SVOPL: variants seen among roughly 807,000 people sequenced by gnomAD.
The protein encoded by SVOPL is putative transporter SVOPL.
Under a neutral mutation model 61.0 loss-of-function variants are expected in SVOPL, and 60 were observed. That is an observed-to-expected ratio of 0.98 (90% confidence interval 0.80 to 1.22). The LOEUF (loss-of-function observed/expected upper bound fraction) is 1.22, where lower values mean the gene tolerates loss of function less well. Among genes scored for constraint, SVOPL ranks in the 50% most tolerant of loss-of-function variants. SVOPL has a pLI of 0.00. For synonymous variants in SVOPL, 279 were observed against 250.0 expected, an observed-to-expected ratio of 1.12 and a Z score of -1.09; for missense variants, 662 against 643.9, an observed-to-expected ratio of 1.03 and a Z score of -0.30.
chr7:138,693,750 G>C (rs903047562), intron 1 of SVOPL, among the ~76,000 whole-genome samples: 2 of 152,052 alleles, frequency 1.3e-5, no homozygotes, highest in Non-Finnish European at 2.9e-5. Context: ...GCTGAAGCAG[G>C]AGATCACTTA....
intron 9 of SVOPL, among the ~76,000 whole-genome samples, chr7:138,632,050 T>C (rs1204622500): frequency 2.0e-5 from 3 of 152,068 alleles, no homozygotes; most frequent in African/African-American, 7.2e-5. Flanking sequence ...CCTTCATATG[T>C]GATGCTCATT....
At chr7:138,679,493 G>A (rs1802654979) in intron 1 of SVOPL, among the ~76,000 whole-genome samples, 1 of 152,000 alleles carries the variant, frequency 6.6e-6, no homozygotes, top group African/African-American at 2.4e-5. Flanking sequence ...GGCTGGTCTC[G>A]AATTTCTGAC....
At chr7:138,676,955 G>C (rs1252419042) in intron 3 of SVOPL, among the ~76,000 whole-genome samples, 1 of 130,404 alleles carries the variant, frequency 7.7e-6, no homozygotes, top group African/African-American at 3.0e-5. Context: ...CAGGGCTGGA[G>C]TGCAGTGGCA....
intron 14 of SVOPL, among the ~76,000 whole-genome samples, chr7:138,602,777 C>G (rs903630927): frequency 2.6e-5 from 4 of 152,008 alleles, no homozygotes; most frequent in Non-Finnish European, 5.9e-5. Flanking sequence ...CCATTTCTGA[C>G]CTGCTTGAGA....
At chr7:138,624,239 T>A (rs1213190865) in intron 13 of SVOPL, among the ~76,000 whole-genome samples, 1 of 152,212 alleles carries the variant, frequency 6.6e-6, no homozygotes, top group Non-Finnish European at 1.5e-5. Flanking sequence ...AAGTTAGCCC[T>A]TTTTAATAGA....
At chr7:138,610,111 C>T (rs1235534397) in intron 14 of SVOPL, among the ~76,000 whole-genome samples, 3 of 152,148 alleles carry the variant, frequency 2.0e-5, no homozygotes, top group South Asian at 2.1e-4. Flanking sequence ...AAAGTAACTT[C>T]TGGGATATAC....
chr7:138,634,247 C>T (rs1390846606), intron 9 of SVOPL, among the ~76,000 whole-genome samples: 1 of 152,136 alleles, frequency 6.6e-6, no homozygotes, highest in African/African-American at 2.4e-5. Flanking sequence ...TAGCACACAC[C>T]TATTATCCCA....
At chr7:138,631,661 C>T (rs935783227) in intron 9 of SVOPL, among the ~76,000 whole-genome samples, 4 of 152,034 alleles carry the variant, frequency 2.6e-5, no homozygotes, top group African/African-American at 7.2e-5. Context: ...CCCTGCCTCC[C>T]AGGTTCAAGC....
chr7:138,671,277 A>C (rs569587110), intron 4 of SVOPL, among the ~76,000 whole-genome samples: 54 of 152,222 alleles, frequency 3.5e-4, no homozygotes, highest in South Asian at 8.3e-4. Context: ...ACATGCATAC[A>C]CACATCCTTT....
chr7:138,645,773 C>T lies in SVOPL; in HGVS notation c.661-928G>A, dbSNP rs554457337. The T allele has an allele frequency of 8.7e-5, 14 of 160,728 alleles. No individual in the cohort carries two copies. In the South Asian group the frequency reaches 1.2e-3, roughly 14 times the overall value. 10.0% of individuals were successfully genotyped at this position (160,728 alleles called of 1,614,324 possible). A position where few individuals can be genotyped will look rare whatever the true frequency, so the allele number is the denominator to read the frequency against. Reference sequence around the variant, plus strand: ...GGTGGAACAGGACTGGTGCTTCAGCCGAACCCAGGTATACTTCCCTTCGGC... The same window carrying T: ...GGTGGAACAGGACTGGTGCTTCAGCTGAACCCAGGTATACTTCCCTTCGGC... On this transcript the variant is annotated intron_variant, in intron 8 of 15. Transcript: ENST00000674285.
intron 14 of SVOPL, among the ~76,000 whole-genome samples, chr7:138,613,875 A>G (rs1799166877): frequency 6.6e-6 from 1 of 152,146 alleles, no homozygotes; most frequent in South Asian, 2.1e-4. Flanking sequence ...CACCATGACT[A>G]ATTTCAACAA....
At chr7:138,611,914 A>AAC (rs2116820053) in intron 14 of SVOPL, among the ~76,000 whole-genome samples, 1 of 23,638 alleles carries the variant, frequency 4.2e-5, no homozygotes, top group Non-Finnish European at 8.5e-5. Context: ...GCTCATTGAG[A>AAC]ACGGGCCAGG....
intron 13 of SVOPL, among the ~76,000 whole-genome samples, chr7:138,624,791 G>A (rs1056871003): frequency 6.0e-5 from 9 of 151,108 alleles, no homozygotes; most frequent in Admixed American, 5.3e-4. Context: ...TCCAACTCCT[G>A]CACTCAAGCA....
chr7:138,618,992 C>G (rs558858011), intron 14 of SVOPL, among the ~76,000 whole-genome samples: 1 of 152,208 alleles, frequency 6.6e-6, no homozygotes, highest in South Asian at 2.1e-4. Context: ...AGCAGCATAG[C>G]CTCTGGGATA....
intron 9 of SVOPL, among the ~76,000 whole-genome samples, chr7:138,630,571 T>C (rs572516428): frequency 1.3e-5 from 2 of 152,342 alleles, no homozygotes; most frequent in Non-Finnish European, 2.9e-5. Flanking sequence ...GAACGCCTAA[T>C]TTCTTTTTCT....
intron 14 of SVOPL, among the ~76,000 whole-genome samples, chr7:138,613,099 C>T (rs1395865054): frequency 2.0e-5 from 3 of 151,948 alleles, no homozygotes; most frequent in Non-Finnish European, 4.4e-5. Flanking sequence ...GGCTCACTGT[C>T]ACCTCTGTCC....
At chr7:138,663,431 A>G in intron 4 of SVOPL, 1 of 1,280,622 alleles carries the variant, frequency 7.8e-7, no homozygotes, top group Non-Finnish European at 9.9e-7. Context: ...CTCTATTCAG[A>G]TGTGTACTTG....
rs1044524317 is a variant in SVOPL, at chr7:138,596,759, A to T, written c.1354-229T>A. ...TATTAACACGCATTGGCCAGGTAAGACCTCTCTTGGCATCCACCTGTCAGG... is the reference window on the plus strand; with the variant it reads ...TATTAACACGCATTGGCCAGGTAAGTCCTCTCTTGGCATCCACCTGTCAGG... On this transcript the variant is annotated intron_variant, in intron 14 of 15. Transcript: ENST00000674285. The T allele has an allele frequency of 1.4e-5, 17 of 1,183,144 alleles. No homozygotes were observed. The African/African-American group carries it at 2.5e-4, about 18-fold the overall frequency. The allele number at this position is 1,183,144 out of a possible 1,614,324, so 73.3% of individuals were successfully genotyped here.
rs1433694653 is a variant in SVOPL at position 138,646,622 on chromosome 7, A to G, written c.661-1777T>C. On this transcript the variant is annotated intron_variant, in intron 8 of 15. Coordinates refer to ENST00000674285, the MANE Select transcript of SVOPL (RefSeq NM_001139456.2). The stretch of plus-strand genomic sequence containing the variant: ...CAGCCTTGACCAACCAGGCCCGAGC[A>G]ACCCTCCCATCTCAGCCTCCTGAGT... Among the ~76,000 whole-genome samples, 3 of 152,092 alleles carry G rather than the reference A, an allele frequency of 2.0e-5. 1 individual carries two copies. Among genetic ancestry groups the G allele is most frequent in the South Asian group, 2.1e-4 (1 of 4,826 alleles).
Sources: gnomAD v4.1 joint callset for allele counts (sites outside exome capture counted in the v4.1 genomes callset) on GRCh38, gnomAD v4.1.1 for gene constraint, MANE v1.5 for transcripts, NCBI Gene and HGNC (gene_info 2026-07-23, HGNC 2026-07-21) for gene names.